The following PRKN variants were observed in gnomAD, a reference collection of about 807,000 sequenced individuals.
PRKN encodes parkin RBR E3 ubiquitin protein ligase, also known as E3 ubiquitin-protein ligase parkin.
A neutral mutation model predicts 59.5 loss-of-function variants in PRKN; 56 were observed. That is an observed-to-expected ratio of 0.94 (90% CI 0.76 to 1.18). The LOEUF (loss-of-function observed/expected upper bound fraction) is 1.18. Ranked by LOEUF, PRKN falls within the 50% of genes most tolerant of loss-of-function variation. The probability of loss-of-function intolerance (pLI) is 0.00; values close to 1 mark genes in which losing one functional copy is unlikely to be tolerated. For missense variants in PRKN, 657 were observed against 596.4 expected (o/e 1.10, Z -1.06); for synonymous variants, 250 against 222.1 (o/e 1.13, Z -1.12).
intron 1 of PRKN, among the ~76,000 whole-genome samples, chr6:162,452,624 T>C (rs1005084083): frequency 7.2e-5 from 11 of 152,072 alleles, no homozygotes; most frequent in African/African-American, 2.7e-4. Context: ...AAAATCATAA[T>C]GGAATTCCAA....
intron 9 of PRKN, among the ~76,000 whole-genome samples, chr6:161,478,529 G>C (rs9295151): frequency 0.2 from 31,036 of 152,082 alleles, 3,676 homozygotes; most frequent in African/African-American, 0.33. Flanking sequence ...TAGCTGTTAT[G>C]TGGCTTCTTC....
rs765988655 is a variant in PRKN at position 162,476,057 on chromosome 6, C to CTTT, written c.8-32587_8-32585dup. On this transcript the variant is annotated intron_variant, in intron 1 of 11. Coordinates refer to ENST00000366898, the MANE Select transcript of PRKN (RefSeq NM_004562.3). ...CCACCGCACCTGGCCTAACACCACT[C>CTTT]TTTTTTTTTTTTTTTTTGAGACGGA... 3.4e-3 allele frequency among the ~76,000 whole-genome samples: 382 copies of CTTT among 112,984 alleles called. 11 individuals are homozygous for CTTT. The highest frequency in any genetic ancestry group is 7.5e-3 in the African/African-American group (210 of 27,854). The allele number at this position is 112,984 out of a possible 152,430, so 74.1% of individuals were successfully genotyped here. A position where few individuals can be genotyped will look rare whatever the true frequency, so the allele number is the denominator to read the frequency against.
chr6:162,510,680 T>C (rs1583695854), intron 1 of PRKN, among the ~76,000 whole-genome samples: 1 of 152,292 alleles, frequency 6.6e-6, no homozygotes, highest in African/African-American at 2.4e-5. Context: ...CCCAGCACTT[T>C]GGGAGGCCGG....
intron 1 of PRKN, among the ~76,000 whole-genome samples, chr6:162,445,959 C>T (rs947471351): frequency 2.0e-5 from 3 of 152,008 alleles, no homozygotes; most frequent in African/African-American, 7.3e-5. Context: ...GGCCTGACAT[C>T]TCTGACCAGC....
intron 1 of PRKN, among the ~76,000 whole-genome samples, chr6:162,529,137 G>A (rs1002164497): frequency 2.6e-5 from 4 of 152,102 alleles, no homozygotes; most frequent in Admixed American, 2.0e-4. Context: ...GTCTCCTCAA[G>A]TGTTGGGATT....
chr6:162,522,192 C>T (rs565252217), intron 1 of PRKN, among the ~76,000 whole-genome samples: 29 of 152,340 alleles, frequency 1.9e-4, no homozygotes, highest in South Asian at 4.1e-4. Context: ...GGGGCAATCT[C>T]TGCTGACTGC....
chr6:162,682,324 C>A (rs189609609), intron 1 of PRKN, among the ~76,000 whole-genome samples: 8 of 152,092 alleles, frequency 5.3e-5, no homozygotes, highest in African/African-American at 1.4e-4. Flanking sequence ...CATCGTAGCA[C>A]CCTTCACAAT....
At chr6:161,802,405 A>G (rs952980318) in intron 6 of PRKN, among the ~76,000 whole-genome samples, 1 of 149,880 alleles carries the variant, frequency 6.7e-6, no homozygotes, top group African/African-American at 2.5e-5. Flanking sequence ...TGACACACAC[A>G]CACCCCACAC....
At chr6:162,647,226 GATAT>G (rs1485351608) in intron 1 of PRKN, among the ~76,000 whole-genome samples, 1 of 151,716 alleles carries the variant, frequency 6.6e-6, no homozygotes, top group African/African-American at 2.4e-5. Flanking sequence ...GAATAATGTT[GATAT>G]ATTAATCCAA....
intron 1 of PRKN, among the ~76,000 whole-genome samples, chr6:162,558,667 C>T (rs1460168552): frequency 6.7e-6 from 1 of 149,330 alleles, no homozygotes; most frequent in Non-Finnish European, 1.5e-5. Context: ...TAGATGGGGT[C>T]TCATTCTATC....
intron 2 of PRKN, among the ~76,000 whole-genome samples, chr6:162,407,011 T>C (rs1478099142): frequency 6.6e-6 from 1 of 152,132 alleles, no homozygotes; most frequent in Non-Finnish European, 1.5e-5. Flanking sequence ...TAAGCTTTGA[T>C]AATTTTGTGC....
intron 1 of PRKN, among the ~76,000 whole-genome samples, chr6:162,666,011 C>T (rs1019581008): frequency 2.6e-5 from 4 of 152,136 alleles, no homozygotes; most frequent in African/African-American, 7.2e-5. Flanking sequence ...CTTCCTTACA[C>T]ATCTTATACA....
chr6:162,505,514 T>G (rs1793569837), intron 1 of PRKN, among the ~76,000 whole-genome samples: 2 of 152,150 alleles, frequency 1.3e-5, no homozygotes, highest in South Asian at 4.1e-4. Flanking sequence ...AATCCGTGTT[T>G]TAACAAGCTC....
At chr6:162,062,596 A>C (rs1304712325) in intron 4 of PRKN, among the ~76,000 whole-genome samples, 3 of 152,204 alleles carry the variant, frequency 2.0e-5, no homozygotes, top group African/African-American at 7.2e-5. Flanking sequence ...ACGAAAGGCC[A>C]TGTGAAAATA....
Position 162,618,318 on chromosome 6 carries a change from G to GT in PRKN, c.7+109343dup, listed in dbSNP as rs1782514267. Among the ~76,000 whole-genome samples, 3 of 152,198 alleles carry GT rather than the reference G, an allele frequency of 2.0e-5. No homozygotes were observed. In the South Asian group the frequency reaches 6.2e-4, roughly 32 times the overall value. The stretch of plus-strand genomic sequence containing the variant: ...TGGCAACTGCCAAAATCCTACTACT[G>GT]TATGACTTAGAAATAAACAACTATT... On this transcript the variant is annotated intron_variant, in intron 1 of 11. Transcript: ENST00000366898.
chr6:161,948,701 G>A (rs1259933427), intron 6 of PRKN, among the ~76,000 whole-genome samples: 1 of 152,164 alleles, frequency 6.6e-6, no homozygotes, highest in East Asian at 1.9e-4. Flanking sequence ...AAGGCCTTGA[G>A]ATACAGAAAG....
chr6:162,518,664 G>A (rs367724549), intron 1 of PRKN, among the ~76,000 whole-genome samples: 3 of 152,144 alleles, frequency 2.0e-5, no homozygotes, highest in African/African-American at 7.2e-5. Context: ...ACAATACCCG[G>A]CCAGCAAATT....
At chr6:162,161,729 T>C (rs746097093) in intron 4 of PRKN, among the ~76,000 whole-genome samples, 8 of 152,184 alleles carry the variant, frequency 5.3e-5, no homozygotes, top group Admixed American at 2.6e-4. Context: ...TCACAATGCC[T>C]GGGCCGTTCA....
chr6:161,434,481 A>AG (rs1443350743), intron 9 of PRKN, among the ~76,000 whole-genome samples: 1 of 152,178 alleles, frequency 6.6e-6, no homozygotes, highest in Non-Finnish European at 1.5e-5. Flanking sequence ...CCCAAGCTTC[A>AG]GGAACTGGAC....
Sources: gnomAD v4.1 joint callset for allele counts (sites outside exome capture counted in the v4.1 genomes callset) on GRCh38, gnomAD v4.1.1 for gene constraint, MANE v1.5 for transcripts, NCBI Gene and HGNC (gene_info 2026-07-23, HGNC 2026-07-21) for gene names.